The following INSL6 variants were observed in gnomAD, a reference collection of about 807,000 sequenced individuals.
The protein encoded by INSL6 is insulin like 6.
A neutral mutation model predicts 9.4 loss-of-function variants in INSL6; 16 were observed. That is an observed-to-expected ratio of 1.70 (90% CI 1.15 to 2.59). INSL6 has a LOEUF of 2.59. Among genes scored for constraint, INSL6 ranks in the 30% most tolerant of loss-of-function variants. The probability of loss-of-function intolerance (pLI) is 0.00; values close to 1 mark genes in which losing one functional copy is unlikely to be tolerated. For synonymous variants in INSL6, 154 were observed against 96.9 expected, an observed-to-expected ratio of 1.59 and a Z score of -3.46; for missense variants, 391 against 257.3, an observed-to-expected ratio of 1.52 and a Z score of -3.56.
the INSL6 span, among the ~76,000 whole-genome samples, chr9:5,026,739 A>C: frequency 6.6e-6 from 1 of 152,064 alleles, no homozygotes; most frequent in African/African-American, 2.4e-5. Context: ...GTATGTGTGA[A>C]TGTTCTATAT....
rs745317337 is a variant in INSL6 at position 5,142,670 on chromosome 9, TCTTC to T, written c.377-9082_377-9079del. On this transcript the variant is annotated intron_variant, in intron 2 of 3. Coordinates refer to the INSL6 transcript ENST00000649639. ...CAAACAAAGATAATCTGACTTCCTC[TCTTC>T]CTATTTGAATACTCTTTCTTTTTCT... Among the ~76,000 whole-genome samples, 20 of 152,322 alleles carry T rather than the reference TCTTC, an allele frequency of 1.3e-4. 1 individual carries two copies. Among genetic ancestry groups the T allele is most frequent in the South Asian group, 2.1e-4 (1 of 4,820 alleles).
the INSL6 span, chr9:5,094,380 CTTAT>C: frequency 6.6e-6 from 1 of 152,144 alleles, no homozygotes; most frequent in Non-Finnish European, 1.5e-5. Context: ...ATATAGGCCT[CTTAT>C]TTATTCTAGC....
intron 2 of INSL6, among the ~76,000 whole-genome samples, chr9:5,135,974 C>T (rs889495520): frequency 1.3e-5 from 2 of 152,096 alleles, no homozygotes; most frequent in African/African-American, 2.4e-5. Context: ...ATACAAACTA[C>T]CATCGGGAAT....
chr9:5,048,548 T>G, the INSL6 span, among the ~76,000 whole-genome samples: 1 of 152,168 alleles, frequency 6.6e-6, no homozygotes. Flanking sequence ...TTCTCAAAAG[T>G]GTGGTGAAAT....
chr9:5,067,566 T>G, the INSL6 span, among the ~76,000 whole-genome samples: 169 of 152,164 alleles, frequency 1.1e-3, no homozygotes, highest in African/African-American at 3.8e-3. Flanking sequence ...ACTTTACCTT[T>G]GTGTAAAACT....
the INSL6 span, among the ~76,000 whole-genome samples, chr9:5,036,214 A>G: frequency 2.6e-5 from 4 of 152,284 alleles, no homozygotes; most frequent in African/African-American, 7.2e-5. Context: ...CCACTGCTCA[A>G]TGAAGTAAAA....
the INSL6 span, among the ~76,000 whole-genome samples, chr9:5,022,522 A>G: frequency 2.6e-5 from 4 of 152,242 alleles, no homozygotes. Flanking sequence ...TATTAAAGCT[A>G]GATCCTGAGA....
the INSL6 span, among the ~76,000 whole-genome samples, chr9:5,104,301 C>G: frequency 1.3e-5 from 2 of 152,286 alleles, no homozygotes; most frequent in Non-Finnish European, 2.9e-5. Flanking sequence ...CACAAATAAA[C>G]TAGAAAATCT....
the INSL6 span, chr9:5,066,682 G>A: frequency 1.1e-5 from 17 of 1,577,336 alleles, no homozygotes; most frequent in African/African-American, 1.3e-5. Context: ...CTTTAGGATG[G>A]ATTTTGCCAT....
chr9:5,041,894 C>G, the INSL6 span: 1 of 417,410 alleles, frequency 2.4e-6, no homozygotes, highest in Non-Finnish European at 4.6e-6. Context: ...ATCAGGGCGC[C>G]TGCAGAGATG....
chr9:5,043,610 A>G, the INSL6 span, among the ~76,000 whole-genome samples: 1 of 152,276 alleles, frequency 6.6e-6, no homozygotes, highest in Non-Finnish European at 1.5e-5. Context: ...TATATGCAAT[A>G]GAAATGAAAA....
chr9:5,034,311 T>C, the INSL6 span, among the ~76,000 whole-genome samples: 7 of 152,250 alleles, frequency 4.6e-5, no homozygotes, highest in East Asian at 3.9e-4. Flanking sequence ...AACACCCCAC[T>C]GTCAACATTA....
At chr9:5,009,967 C>G in the INSL6 span, among the ~76,000 whole-genome samples, 30 of 152,230 alleles carry the variant, frequency 2.0e-4, no homozygotes, top group Admixed American at 1.0e-3. Context: ...GAGACAGGGT[C>G]TCGCAATGTT....
chr9:5,172,133 A>G (rs1825196385), intron 1 of INSL6, among the ~76,000 whole-genome samples: 2 of 152,206 alleles, frequency 1.3e-5, no homozygotes, highest in African/African-American at 4.8e-5. Context: ...TGTTACAAAA[A>G]CAGACACCTA....
the INSL6 span, among the ~76,000 whole-genome samples, chr9:5,069,519 C>T: frequency 6.6e-6 from 1 of 151,988 alleles, no homozygotes; most frequent in African/African-American, 2.4e-5. Flanking sequence ...TTTTCATATA[C>T]TTCGAGGATT....
chr9:5,091,292 T>G, the INSL6 span: 1 of 157,820 alleles, frequency 6.3e-6, no homozygotes, highest in African/African-American at 2.4e-5. Context: ...ATGGTTATTT[T>G]TGGTTATACT....
chr9:5,152,611 T>C (rs919297220), intron 2 of INSL6, among the ~76,000 whole-genome samples: 1 of 152,110 alleles, frequency 6.6e-6, no homozygotes, highest in Non-Finnish European at 1.5e-5. Context: ...TTTCAGAAAC[T>C]AGAAAACAGC....
Position 5,146,445 on chromosome 9 carries a change from C to T in INSL6, c.377-12853G>A, listed in dbSNP as rs540543350. Among the ~76,000 whole-genome samples the T allele has an allele frequency of 3.3e-5, 5 of 152,290 alleles. No homozygotes were observed. The South Asian group carries it at 1.0e-3, about 32-fold the overall frequency. ...AGGAGCAGGGGGCCCCTCCTGGAGA[C>T]TGTGTGCACTGCTGCACTGGAAGTA... On this transcript the variant is annotated intron_variant, in intron 2 of 3. Transcript: ENST00000649639.
At chr9:5,182,221 T>C (rs1016856138) in intron 1 of INSL6, among the ~76,000 whole-genome samples, 2 of 152,130 alleles carry the variant, frequency 1.3e-5, no homozygotes, top group African/African-American at 2.4e-5. Context: ...ATGAGTATTA[T>C]GCAGTAGTTA....
Sources: allele counts gnomAD v4.1 joint callset (sites outside exome capture counted in the v4.1 genomes callset), GRCh38; gene constraint gnomAD v4.1.1; transcripts MANE v1.5; gene names NCBI Gene and HGNC (gene_info 2026-07-23, HGNC 2026-07-21).